The following PEBP4 variants were observed in gnomAD, a reference collection of about 807,000 sequenced individuals.
PEBP4 encodes phosphatidylethanolamine binding protein 4.
In PEBP4, 22 loss-of-function variants were observed where a neutral mutation model predicts 23.9. The observed-to-expected ratio is 0.92, with a 90% CI of 0.66 to 1.31. The LOEUF is 1.31. PEBP4 is among the 40% of genes most tolerant of loss of function. The pLI is 0.00. For missense variants in PEBP4, 324 were observed against 281.7 expected (o/e 1.15, Z -1.07); for synonymous variants, 112 against 99.3 (o/e 1.13, Z -0.76).
chr8:22,804,237 A>G (rs1207775845), intron 4 of PEBP4, among the ~76,000 whole-genome samples: 1 of 152,174 alleles, frequency 6.6e-6, no homozygotes, highest in Admixed American at 6.5e-5. Context: ...AGGCTGAGGC[A>G]GGAGGATGAC....
intron 4 of PEBP4, among the ~76,000 whole-genome samples, chr8:22,778,902 C>T (rs544943497): frequency 3.9e-5 from 6 of 152,262 alleles, no homozygotes; most frequent in South Asian, 2.1e-4. Flanking sequence ...GCCACCAGGG[C>T]GGGCTCCTCT....
At chr8:22,857,957 T>G (rs1397421833) in intron 3 of PEBP4, among the ~76,000 whole-genome samples, 2 of 152,202 alleles carry the variant, frequency 1.3e-5, no homozygotes, top group African/African-American at 2.4e-5. Flanking sequence ...TGTTGGGCGA[T>G]GCTTCACGGA....
intron 3 of PEBP4, among the ~76,000 whole-genome samples, chr8:22,863,023 A>G (rs1349305824): frequency 6.6e-6 from 1 of 151,956 alleles, no homozygotes; most frequent in Non-Finnish European, 1.5e-5. Flanking sequence ...GATGGTCTCG[A>G]GCTCCTGACC....
chr8:22,936,611 G>A (rs183307841), intron 1 of PEBP4, among the ~76,000 whole-genome samples: 105 of 152,216 alleles, frequency 6.9e-4, no homozygotes, highest in African/African-American at 1.8e-3. Flanking sequence ...TGAAGCCAGC[G>A]TTACTATGAT....
chr8:22,892,988 G>A (rs572371604), intron 3 of PEBP4, among the ~76,000 whole-genome samples: 5 of 152,332 alleles, frequency 3.3e-5, no homozygotes, highest in African/African-American at 1.2e-4. Context: ...AGAGGCAGCT[G>A]TGCGGGGAGA....
At chr8:22,725,573 G>A (rs1804607897) in intron 5 of PEBP4, among the ~76,000 whole-genome samples, 2 of 147,110 alleles carry the variant, frequency 1.4e-5, no homozygotes, top group Non-Finnish European at 3.0e-5. Context: ...TGGGGCGGGG[G>A]AAGTGGGGTG....
intron 3 of PEBP4, among the ~76,000 whole-genome samples, chr8:22,896,612 T>C (rs1434718115): frequency 1.3e-5 from 2 of 152,234 alleles, no homozygotes; most frequent in Non-Finnish European, 2.9e-5. Flanking sequence ...CCAGCAGTCC[T>C]TGGCCTCTTT....
At chr8:22,737,498 C>A (rs1804892099) in intron 4 of PEBP4, among the ~76,000 whole-genome samples, 1 of 152,138 alleles carries the variant, frequency 6.6e-6, no homozygotes, top group South Asian at 2.1e-4. Flanking sequence ...GATCCCCGCC[C>A]TCCAGGAAAT....
Position 22,898,418 on chromosome 8 carries a change from A to C in PEBP4, c.258+21766T>G, listed in dbSNP as rs919172385. The stretch of plus-strand genomic sequence containing the variant: ...AAAAAAAAAAAAAAAAAAAAAAAAA[A>C]AAAAAAAAAAAAACCCACCCAGTCT... On this transcript the variant is annotated intron_variant, in intron 3 of 6. Transcript: ENST00000256404. 2.0e-3 allele frequency among the ~76,000 whole-genome samples: 295 copies of C among 144,922 alleles called. 12 individuals are homozygous for C. Among genetic ancestry groups the C allele is most frequent in the African/African-American group, 6.4e-3 (247 of 38,586 alleles).
chr8:22,833,760 T>C (rs534206876), intron 3 of PEBP4, among the ~76,000 whole-genome samples: 30 of 152,334 alleles, frequency 2.0e-4, no homozygotes, highest in African/African-American at 7.2e-4. Context: ...CCTGCCTTAA[T>C]GTGAGAATCA....
rs964262368 is a variant in PEBP4 at position 22,865,011 on chromosome 8, G to C, written c.259-47276C>G. Among the ~76,000 whole-genome samples the C allele has an allele frequency of 3.3e-5, 5 of 152,176 alleles. No homozygotes were observed. Among genetic ancestry groups the C allele is most frequent in the Non-Finnish European group, 5.9e-5 (4 of 68,018 alleles). On this transcript the variant is annotated intron_variant, in intron 3 of 6. Coordinates refer to ENST00000256404, the MANE Select transcript of PEBP4 (RefSeq NM_144962.3). The surrounding 1 kb of genome is among the most constrained non-coding windows in gnomAD (Gnocchi z 6.9). ...GCGGGCAGCACGAGGGGGCAGGTGTGACCGTGAGAGAGGGAGGCAGGCGGC... is the reference window on the plus strand; with the variant it reads ...GCGGGCAGCACGAGGGGGCAGGTGTCACCGTGAGAGAGGGAGGCAGGCGGC...
At chr8:22,814,334 C>T (rs112361309) in intron 4 of PEBP4, among the ~76,000 whole-genome samples, 2,293 of 152,248 alleles carry the variant, frequency 0.015, 52 homozygotes, top group African/African-American at 0.051. Context: ...TTGAATTAAA[C>T]GAACAAAGGG....
intron 4 of PEBP4, among the ~76,000 whole-genome samples, chr8:22,786,071 A>T (rs1162083840): frequency 1.3e-5 from 2 of 152,198 alleles, no homozygotes; most frequent in African/African-American, 4.8e-5. Flanking sequence ...TAGAAACTGA[A>T]TACATCCTGG....
chr8:22,861,353 A>G (rs1165410297), intron 3 of PEBP4, among the ~76,000 whole-genome samples: 1 of 152,278 alleles, frequency 6.6e-6, no homozygotes, highest in Non-Finnish European at 1.5e-5. Context: ...CCATAGACTA[A>G]TTGAATCCTC....
At chr8:22,748,767 C>T (rs187365945) in intron 4 of PEBP4, among the ~76,000 whole-genome samples, 32 of 152,234 alleles carry the variant, frequency 2.1e-4, no homozygotes, top group African/African-American at 7.0e-4. Flanking sequence ...CCAGAAGCTA[C>T]GAGGCTCCCA....
upstream of PEBP4, among the ~76,000 whole-genome samples, chr8:22,931,140 C>A (rs573691246): frequency 8.5e-5 from 13 of 152,270 alleles, no homozygotes; most frequent in African/African-American, 2.6e-4. Flanking sequence ...TATTTCTCTC[C>A]CTCCTAAACC....
intron 3 of PEBP4, among the ~76,000 whole-genome samples, chr8:22,857,748 A>G (rs913235848): frequency 6.6e-6 from 1 of 152,216 alleles, no homozygotes; most frequent in African/African-American, 2.4e-5. Flanking sequence ...ATACTGAAGC[A>G]TTCCTCATAA....
At chr8:22,822,766 AAG>A (rs1244356630) in intron 3 of PEBP4, among the ~76,000 whole-genome samples, 5 of 152,078 alleles carry the variant, frequency 3.3e-5, no homozygotes, top group Admixed American at 6.5e-5. Flanking sequence ...AGATTATATG[AAG>A]AAAACAAAAA....
At chr8:22,921,198 T>C (rs1809192722) in intron 2 of PEBP4, among the ~76,000 whole-genome samples, 1 of 152,234 alleles carries the variant, frequency 6.6e-6, no homozygotes, top group Admixed American at 6.5e-5. Context: ...TGCCCTTCTA[T>C]TATAATTTAT....
Sources: allele counts gnomAD v4.1 joint callset (sites outside exome capture counted in the v4.1 genomes callset), GRCh38; gene constraint gnomAD v4.1.1; non-coding constraint Gnocchi (gnomAD v3.1); transcripts MANE v1.5; gene names NCBI Gene and HGNC (gene_info 2026-07-23, HGNC 2026-07-21).